The following TJP2 variants were observed in gnomAD, a reference collection of about 807,000 sequenced individuals.
The protein encoded by TJP2 is Friedreich ataxia region gene X104 (tight junction protein ZO-2).
In TJP2, 91 loss-of-function variants were observed where a neutral mutation model predicts 133.1. That is an observed-to-expected ratio of 0.68 (90% confidence interval 0.58 to 0.81). The LOEUF is 0.81. Ranked by LOEUF, TJP2 falls within the 40% of genes least tolerant of loss-of-function variation. TJP2 has a pLI of 0.00. For missense variants in TJP2, 1,541 were observed against 1,565.6 expected (o/e 0.98, Z 0.26); for synonymous variants, 592 against 583.4 (o/e 1.01, Z -0.21).
chr9:69,161,701 A>G (rs1022588315), intron 2 of TJP2, among the ~76,000 whole-genome samples: 11 of 151,446 alleles, frequency 7.3e-5, no homozygotes, highest in Admixed American at 2.6e-4. Context: ...ATTATTAACA[A>G]TGTAAATCAT....
Position 69,174,361 on chromosome 9 carries a change from C to T in TJP2, c.-12C>T, listed in dbSNP as rs1175858256. The T allele has an allele frequency of 6.4e-7, 1 of 1,551,676 alleles. No individual in the cohort carries two copies. Among genetic ancestry groups the T allele is most frequent in the African/African-American group, 1.4e-5 (1 of 73,244 alleles). On this transcript the variant is annotated 5_prime_UTR_variant, in exon 1 of 23. Coordinates refer to ENST00000377245, the MANE Select transcript of TJP2 (RefSeq NM_004817.4). ...TCCGGAGCTGCGCGCCTACGCGGGA[C>T]CTGTGTCCGAAATGCCGGTGCGAGG... is the stretch of plus-strand genomic sequence containing the variant.
chr9:69,246,382 C>G, intron 17 of TJP2: 1 of 377,306 alleles, frequency 2.7e-6, no homozygotes, highest in East Asian at 6.8e-5. Flanking sequence ...CATGAGCCAC[C>G]ACACCTGGCC....
intron 1 of TJP2, among the ~76,000 whole-genome samples, chr9:69,195,575 G>C (rs1826497119): frequency 6.6e-6 from 1 of 152,162 alleles, no homozygotes; most frequent in African/African-American, 2.4e-5. Context: ...GCAGGAGTAG[G>C]GTTAGGGTAT....
At position 69,166,370 on chromosome 9, in the gene TJP2, T is replaced by A. The variant is rs560599544; in HGVS notation, c.-10+14599T>A. On this transcript the variant is annotated intron_variant, in intron 2 of 5. Transcript: ENST00000423935. The stretch of plus-strand genomic sequence containing the variant: ...CTCCCATCTTGGCCTCCCAAAGTGC[T>A]GGGATTACAGGCGTGAGCCATCTGC... Among the ~76,000 whole-genome samples, 174 of 152,242 alleles carry A rather than the reference T, an allele frequency of 1.1e-3. 1 individual carries two copies. Among genetic ancestry groups the A allele is most frequent in the Middle Eastern group, 6.8e-3 (2 of 294 alleles).
At chr9:69,130,147 T>C (rs572328334) in intron 1 of TJP2, among the ~76,000 whole-genome samples, 6 of 152,326 alleles carry the variant, frequency 3.9e-5, no homozygotes, top group African/African-American at 1.2e-4. Context: ...TGTTTTTCCT[T>C]TGTAGCCACA....
At chr9:69,178,985 T>TG (rs951593486) in intron 1 of TJP2, among the ~76,000 whole-genome samples, 12 of 151,744 alleles carry the variant, frequency 7.9e-5, no homozygotes, top group African/African-American at 2.9e-4. Flanking sequence ...TATTTTTTTT[T>TG]TAATATGAAG....
At chr9:69,145,990 A>C (rs1472105498) in intron 1 of TJP2, among the ~76,000 whole-genome samples, 1 of 152,176 alleles carries the variant, frequency 6.6e-6, no homozygotes, top group Non-Finnish European at 1.5e-5. Context: ...TGATTTAAAA[A>C]TAGGAATGAA....
At chr9:69,204,899 C>T in intron 1 of TJP2, 2 of 1,246,718 alleles carry the variant, frequency 1.6e-6, no homozygotes, top group East Asian at 6.8e-5. Flanking sequence ...GCTCTAGTTC[C>T]CTGGCAAGGG....
intron 1 of TJP2, among the ~76,000 whole-genome samples, chr9:69,123,855 ATTATTTTATT>A (rs530587210): frequency 0.011 from 835 of 75,424 alleles, 287 homozygotes; most frequent in African/African-American, 0.03. Context: ...TTGTTTTTTA[ATTATTTTATT>A]TTATTTTATT....
intron 1 of TJP2, among the ~76,000 whole-genome samples, chr9:69,184,870 C>A (rs1825747797): frequency 8.8e-6 from 1 of 114,022 alleles, no homozygotes; most frequent in Non-Finnish European, 2.0e-5. Context: ...CTCACCTCAG[C>A]CTCCGATTAG....
In TJP2 at chr9:69,174,412, G is replaced by C; in HGVS notation, c.40G>C (p.Glu14Gln). 1 of 1,551,804 alleles carries C rather than the reference G, an allele frequency of 6.4e-7. No homozygotes were observed. The highest frequency in any genetic ancestry group is 8.7e-7 in the Non-Finnish European group (1 of 1,147,132). Reference protein sequence around the residue: ...RGDRGFPPRRELSGWLRAPGM... With the variant: ...RGDRGFPPRRQLSGWLRAPGM... ...AGACCGCGGGTTTCCACCCCGGCGG[G>C]AGCTGTCAGGTTGGCTCCGCGTAAG... The change falls in exon 1 of 23, where the codon GAG becomes CAG. Residue 14 changes from glutamate (E) to glutamine (Q), a missense_variant. By Grantham distance (29) the Glu-to-Gln change is conservative. Transcript: ENST00000377245.
chr9:69,155,942 G>C (rs895113433), intron 2 of TJP2, among the ~76,000 whole-genome samples: 1 of 152,216 alleles, frequency 6.6e-6, no homozygotes, highest in Non-Finnish European at 1.5e-5. Context: ...ACTCGGAGCA[G>C]AGCCTGTACA....
chr9:69,127,334 G>A lies in TJP2; in HGVS notation c.-131+5609G>A. ...TCCGCCTGCCTCAGCCTCCCAAAGT[G>A]TTGGAATTACAGGCGTCAGCCACCG... On this transcript the variant is annotated intron_variant, in intron 1 of 5. Transcript: ENST00000423935. Among the ~76,000 whole-genome samples, 2 of 75,680 alleles carry A rather than the reference G, an allele frequency of 2.6e-5. 1 individual carries two copies. The highest frequency in any genetic ancestry group is 6.1e-5 in the Non-Finnish European group (2 of 33,004). The allele number at this position is 75,680 out of a possible 152,430, so 49.6% of individuals were successfully genotyped here. A position where few individuals can be genotyped will look rare whatever the true frequency, so the allele number is the denominator to read the frequency against.
intron 1 of TJP2, among the ~76,000 whole-genome samples, chr9:69,131,423 G>C (rs898906465): frequency 6.6e-6 from 1 of 152,150 alleles, no homozygotes. Context: ...CTCTGAGAGT[G>C]AGCTGTGTTC....
At chr9:69,199,646 T>C (rs1206808368) in intron 1 of TJP2, among the ~76,000 whole-genome samples, 1 of 152,242 alleles carries the variant, frequency 6.6e-6, no homozygotes, top group African/African-American at 2.4e-5. Flanking sequence ...ATCTGCTGTT[T>C]GGAGCTACTG....
In TJP2 at chr9:69,236,307, C is replaced by G. The variant is rs148659891; in HGVS notation, c.1991+69C>G. Reference sequence around the variant, plus strand: ...CCTGCAGAAAACTAGAGACCGCCCCCCTTCCCCCGTAAAAGGAAACCCCAC... The same window carrying G: ...CCTGCAGAAAACTAGAGACCGCCCCGCTTCCCCCGTAAAAGGAAACCCCAC... On this transcript the variant is annotated intron_variant, in intron 13 of 22. Transcript: ENST00000377245. 2.6e-5 allele frequency: 39 copies of G among 1,512,558 alleles called. No individual in the cohort carries two copies. In the African/African-American group the frequency reaches 3.0e-4, roughly 12 times the overall value. The allele number at this position is 1,512,558 out of a possible 1,614,324, so 93.7% of individuals were successfully genotyped here.
chr9:69,203,596 G>A (rs1305811831), intron 1 of TJP2, among the ~76,000 whole-genome samples: 7 of 136,006 alleles, frequency 5.1e-5, no homozygotes, highest in Non-Finnish European at 1.6e-5. Context: ...GAGCCACGGT[G>A]CCCAGCCTGG....
intron 15 of TJP2, 106 bp from the exon 16 acceptor site, chr9:69,238,604 A>G (rs1214766052): frequency 5.8e-6 from 5 of 862,168 alleles, no homozygotes; most frequent in Non-Finnish European, 7.7e-6. Context: ...TCTTGTTAGG[A>G]GACACTTAAT....
At chr9:69,145,186 C>T (rs995897124) in intron 1 of TJP2, among the ~76,000 whole-genome samples, 9 of 152,146 alleles carry the variant, frequency 5.9e-5, no homozygotes, top group Non-Finnish European at 1.3e-4. Context: ...CTTAGAAATG[C>T]ATTGCTATAA....
Sources: allele counts gnomAD v4.1 joint callset (sites outside exome capture counted in the v4.1 genomes callset), GRCh38; gene constraint gnomAD v4.1.1; transcripts MANE v1.5; gene names NCBI Gene and HGNC (gene_info 2026-07-23, HGNC 2026-07-21).